Variants in JARID2 observed in about 807,000 individuals in gnomAD.
The protein encoded by JARID2 is jumonji and AT-rich interaction domain containing 2, also known as protein Jumonji.
A neutral mutation model predicts 125.6 loss-of-function variants in JARID2; 21 were observed. The observed-to-expected ratio is 0.17, with a 90% CI of 0.12 to 0.24. JARID2 has a LOEUF of 0.24. Among genes scored for constraint, JARID2 ranks in the 10% least tolerant of loss-of-function variants. JARID2 has a pLI of 1.00. For missense variants in JARID2, 1,303 were observed against 1,639.6 expected, an observed-to-expected ratio of 0.79 and a Z score of 3.55; for synonymous variants, 736 against 661.6, an observed-to-expected ratio of 1.11 and a Z score of -1.73.
chr6:15,469,240 A>C (rs1768899969), intron 5 of JARID2, among the ~76,000 whole-genome samples: 2 of 151,028 alleles, frequency 1.3e-5, no homozygotes, highest in Admixed American at 1.3e-4. Flanking sequence ...AGTTGGCTAT[A>C]GAAAGTGCCT....
intron 3 of JARID2, among the ~76,000 whole-genome samples, chr6:15,443,801 T>A (rs1767546783): frequency 6.6e-6 from 1 of 152,068 alleles, no homozygotes; most frequent in South Asian, 2.1e-4. Context: ...AAAAACCACC[T>A]AAGAAAAAAA....
intron 3 of JARID2, among the ~76,000 whole-genome samples, chr6:15,447,915 C>G (rs577201922): frequency 1.3e-5 from 2 of 152,284 alleles, no homozygotes; most frequent in African/African-American, 4.8e-5. Flanking sequence ...TTCCATTTTC[C>G]TATATCCAGC....
chr6:15,384,614 G>T (rs1006605821), intron 2 of JARID2, among the ~76,000 whole-genome samples: 6 of 152,090 alleles, frequency 3.9e-5, no homozygotes, highest in African/African-American at 1.4e-4. Flanking sequence ...TTTAGAGACA[G>T]TGTCTTGCTA....
chr6:15,288,629 T>G (rs1451523787), intron 1 of JARID2, among the ~76,000 whole-genome samples: 5 of 152,236 alleles, frequency 3.3e-5, no homozygotes, highest in Non-Finnish European at 7.3e-5. Context: ...TCTGATTGTT[T>G]CTCAGTGGCT....
In JARID2 at chr6:15,487,382, C is replaced by G. The variant is rs558863604; in HGVS notation, c.746C>G (p.Ala249Gly). Reference sequence around the variant, plus strand: ...CACAAAAGCAAAGAGGCCACTCCCGCAAAGGAGAAGCACAGCGATCACCGG... The same window carrying G: ...CACAAAAGCAAAGAGGCCACTCCCGGAAAGGAGAAGCACAGCGATCACCGG... ...QKHKSKEATP[A>G]KEKHSDHRAD... Residue 249 changes from alanine to glycine, a missense_variant, in exon 6 of 18, where the codon GCA (alanine) becomes GGA (glycine). Transcript: ENST00000341776. 2.5e-6 allele frequency: 4 copies of G among 1,614,220 alleles called. No homozygotes were observed. The African/African-American group carries it at 5.3e-5, about 22-fold the overall frequency.
At chr6:15,273,428 G>C (rs1271234965) in intron 1 of JARID2, among the ~76,000 whole-genome samples, 1 of 152,216 alleles carries the variant, frequency 6.6e-6, no homozygotes, top group East Asian at 1.9e-4. Context: ...TCAGCCAGAT[G>C]TGGTGGCTCA....
chr6:15,402,982 G>A (rs1765496673), intron 2 of JARID2, among the ~76,000 whole-genome samples: 1 of 152,108 alleles, frequency 6.6e-6, no homozygotes, highest in South Asian at 2.1e-4. Flanking sequence ...GTAGAGCATC[G>A]TGGGTGTTTA....
At chr6:15,455,116 C>A (rs1768098066) in intron 4 of JARID2, among the ~76,000 whole-genome samples, 2 of 151,456 alleles carry the variant, frequency 1.3e-5, no homozygotes, top group African/African-American at 4.9e-5. Flanking sequence ...ATCCTTGACA[C>A]CTGGAGTTTG....
intron 2 of JARID2, among the ~76,000 whole-genome samples, chr6:15,405,892 T>C (rs946406205): frequency 7.2e-5 from 11 of 152,198 alleles, no homozygotes; most frequent in African/African-American, 2.7e-4. Context: ...CCTCCTGGAT[T>C]GGGCAGGCTG....
chr6:15,389,704 C>T (rs748718130), intron 2 of JARID2, among the ~76,000 whole-genome samples: 33 of 152,218 alleles, frequency 2.2e-4, no homozygotes, highest in Admixed American at 8.5e-4. Flanking sequence ...CTTCACTCTG[C>T]CTGAACTCTT....
rs373924638 is a variant in JARID2 at position 15,379,287 on chromosome 6, G to A, written c.181+5035G>A. Among the ~76,000 whole-genome samples, 11 of 152,166 alleles carry A rather than the reference G, an allele frequency of 7.2e-5. 1 individual carries two copies. Among genetic ancestry groups the A allele is most frequent in the East Asian group, 5.8e-4 (3 of 5,174 alleles). On this transcript the variant is annotated intron_variant, in intron 2 of 17. Coordinates refer to ENST00000341776, the MANE Select transcript of JARID2 (RefSeq NM_004973.4). ...TTGTTGGTTATTGCTGGGCTTAAGC[G>A]TGAAGTGGTAAGATTTGCTGATTGT... is the stretch of plus-strand genomic sequence containing the variant.
intron 1 of JARID2, among the ~76,000 whole-genome samples, chr6:15,367,857 A>G (rs1392044734): frequency 1.3e-5 from 2 of 152,180 alleles, no homozygotes; most frequent in Admixed American, 6.5e-5. Flanking sequence ...AAGTCTTTCC[A>G]GTCGACTCCA....
intron 1 of JARID2, among the ~76,000 whole-genome samples, chr6:15,304,305 C>T (rs1443402551): frequency 8.0e-4 from 23 of 28,780 alleles, no homozygotes; most frequent in African/African-American, 2.4e-3. Flanking sequence ...TTTGCTGATC[C>T]CCCCCCCCCC....
intron 5 of JARID2, among the ~76,000 whole-genome samples, chr6:15,485,818 C>A (rs916397428): frequency 2.0e-5 from 3 of 152,038 alleles, no homozygotes; most frequent in Admixed American, 6.5e-5. Context: ...TCTTAAAATT[C>A]CATGTGAGAT....
intron 4 of JARID2, among the ~76,000 whole-genome samples, chr6:15,466,314 A>T (rs908307702): frequency 6.6e-6 from 1 of 152,236 alleles, no homozygotes; most frequent in African/African-American, 2.4e-5. Flanking sequence ...CTACACAAGA[A>T]CCTGCTGTTT....
chr6:15,262,886 A>G (rs1164309489), intron 1 of JARID2, among the ~76,000 whole-genome samples: 3 of 151,774 alleles, frequency 2.0e-5, no homozygotes, highest in Non-Finnish European at 2.9e-5. Context: ...TTTTGTGTGG[A>G]TTTGTTTGCA....
At chr6:15,304,305 C>CCA (rs1761738340) in intron 1 of JARID2, among the ~76,000 whole-genome samples, 2 of 28,758 alleles carry the variant, frequency 7.0e-5, no homozygotes, top group African/African-American at 2.4e-4. Flanking sequence ...TTTGCTGATC[C>CCA]CCCCCCCCCC....
chr6:15,416,146 C>T (rs1346295938), intron 3 of JARID2, among the ~76,000 whole-genome samples: 2 of 151,726 alleles, frequency 1.3e-5, no homozygotes, highest in African/African-American at 4.8e-5. Context: ...CGGGAAGAGG[C>T]GCTCCTCACT....
chr6:15,329,364 AG>A (rs993351780), intron 1 of JARID2, among the ~76,000 whole-genome samples: 2 of 152,110 alleles, frequency 1.3e-5, no homozygotes, highest in African/African-American at 2.4e-5. Flanking sequence ...AGCAGCAAGC[AG>A]GGGTAGGGTT....
Sources: allele counts gnomAD v4.1 joint callset (sites outside exome capture counted in the v4.1 genomes callset), GRCh38; gene constraint gnomAD v4.1.1; transcripts MANE v1.5; gene names NCBI Gene and HGNC (gene_info 2026-07-23, HGNC 2026-07-21).